KCNJ9: variants seen among roughly 807,000 people sequenced by gnomAD.
The protein encoded by KCNJ9 is potassium inwardly rectifying channel subfamily J member 9.
A neutral mutation model predicts 27.9 loss-of-function variants in KCNJ9; 18 were observed. The observed-to-expected ratio is 0.65, with a 90% CI of 0.45 to 0.96. The LOEUF (loss-of-function observed/expected upper bound fraction) is 0.96. KCNJ9 is among the 40% of genes least tolerant of loss of function. The probability of loss-of-function intolerance (pLI) is 0.00; values close to 1 mark genes in which losing one functional copy is unlikely to be tolerated. For missense variants in KCNJ9, 324 were observed against 557.5 expected (o/e 0.58, Z 4.22); for synonymous variants, 229 against 248.2 (o/e 0.92, Z 0.73).
At chr1:160,083,393 A>C (rs1360327132) in intron 1 of KCNJ9, among the ~76,000 whole-genome samples, 1 of 152,214 alleles carries the variant, frequency 6.6e-6, no homozygotes, top group Non-Finnish European at 1.5e-5. Flanking sequence ...CAAGGAGGGA[A>C]GAATGAGAAA....
Position 160,084,965 on chromosome 1 carries a change from G to T in KCNJ9, c.850+85G>T. The T allele has an allele frequency of 3.6e-6, 5 of 1,391,158 alleles. No homozygotes were observed. In the South Asian group the frequency reaches 4.2e-5, roughly 12 times the overall value. The allele number at this position is 1,391,158 out of a possible 1,614,324, so 86.2% of individuals were successfully genotyped here. A position where few individuals can be genotyped will look rare whatever the true frequency, so the allele number is the denominator to read the frequency against. On this transcript the variant is annotated intron_variant, in intron 2 of 2. Transcript: ENST00000368088. The stretch of plus-strand genomic sequence containing the variant: ...GCAGGGGCGAGACTAGGGGCCAGGG[G>T]AGCTGGGGAGGATGGATGGAGGGGC...
intron 1 of KCNJ9, among the ~76,000 whole-genome samples, chr1:160,082,776 C>T (rs1321155327): frequency 2.0e-5 from 3 of 152,256 alleles, no homozygotes; most frequent in Middle Eastern, 3.4e-3. Context: ...TAAACCTTTC[C>T]CTGTATGGTC....
In KCNJ9 at chr1:160,084,537, C is replaced by A. The variant is rs370105266; in HGVS notation, c.507C>A (p.Ala169=). The A allele has an allele frequency of 3.2e-5, 52 of 1,612,482 alleles. No individual in the cohort carries two copies. In the African/African-American group the frequency reaches 6.5e-4, roughly 20 times the overall value. ...TCTCGCAGCCCAACAAGCGCGCAGC[C>A]ACGCTCGTCTTCTCCTCGCACGCCG... The part of the protein sequence containing the change: ...VKISQPNKRA[A]TLVFSSHAVV... The change falls in exon 2 of 3, where the codon GCC becomes GCA. Residue 169 remains alanine, a synonymous_variant. Coordinates refer to ENST00000368088, the MANE Select transcript of KCNJ9 (RefSeq NM_004983.3).
Position 160,088,119 on chromosome 1 carries a change from G to C in KCNJ9, c.*302G>C, listed in dbSNP as rs1649818157. 1 of 337,322 alleles carries C rather than the reference G, an allele frequency of 3.0e-6. No homozygotes were observed. The highest frequency in any genetic ancestry group is 2.1e-5 in the African/African-American group (1 of 47,412). 20.9% of individuals were successfully genotyped at this position (337,322 alleles called of 1,614,324 possible). ...TGATGGACTTTTGGGGGTTGGATGGGAAGATGGTAGCAGATAAAGACAGCT... is the reference window on the plus strand; with the variant it reads ...TGATGGACTTTTGGGGGTTGGATGGCAAGATGGTAGCAGATAAAGACAGCT... On this transcript the variant is annotated 3_prime_UTR_variant, in exon 3 of 3. Transcript: ENST00000368088.
At chr1:160,083,208 G>C (rs560969614) in intron 1 of KCNJ9, among the ~76,000 whole-genome samples, 2 of 152,318 alleles carry the variant, frequency 1.3e-5, no homozygotes, top group East Asian at 3.9e-4. Context: ...GGGAAATGAG[G>C]CTGGCCCAAG....
At chr1:160,082,910 G>A (rs965488524) in intron 1 of KCNJ9, among the ~76,000 whole-genome samples, 1 of 152,018 alleles carries the variant, frequency 6.6e-6, no homozygotes, top group Non-Finnish European at 1.5e-5. Flanking sequence ...GCTTCGCTTG[G>A]AATGTGGGCT....
intron 1 of KCNJ9, 65 bp downstream of exon 1, chr1:160,081,762 A>T (rs116632627): frequency 6.6e-6 from 1 of 152,064 alleles, no homozygotes; most frequent in African/African-American, 2.4e-5. Flanking sequence ...GGGGTTTGGG[A>T]GGAGCTGGTT....
chr1:160,088,935 G>A lies in KCNJ9; in HGVS notation c.*1118G>A, dbSNP rs1182664057. ...GAGTGTGGGTGATCAGAAGGCTGGG[G>A]CCAGTGTAAGGCATAGGGAATATGT... On this transcript the variant is annotated 3_prime_UTR_variant, in exon 3 of 3. Transcript: ENST00000368088. The A allele has an allele frequency of 6.6e-6, 1 of 152,282 alleles. No homozygotes were observed. The highest frequency in any genetic ancestry group is 1.5e-5 in the Non-Finnish European group (1 of 68,100). 9.4% of individuals were successfully genotyped at this position (152,282 alleles called of 1,614,324 possible). A position where few individuals can be genotyped will look rare whatever the true frequency, so the allele number is the denominator to read the frequency against.
intron 2 of KCNJ9, among the ~76,000 whole-genome samples, chr1:160,086,748 G>T (rs960618673): frequency 4.6e-5 from 7 of 152,292 alleles, no homozygotes; most frequent in African/African-American, 1.7e-4. Flanking sequence ...GGCCAGAAGA[G>T]AGAGATGGTG....
chr1:160,084,315 C>G lies in KCNJ9; in HGVS notation c.285C>G (p.Thr95=), dbSNP rs1487606463. Residue 95 remains threonine, a synonymous_variant, in exon 2 of 3, where the codon ACC becomes ACG. Transcript: ENST00000368088. ...GCGACCTGGAGCACCTGGAGGACACCGCGTGGACGCCGTGCGTCAACAACC... is the reference window on the plus strand; with the variant it reads ...GCGACCTGGAGCACCTGGAGGACACGGCGTGGACGCCGTGCGTCAACAACC... The part of the protein sequence containing the change: ...GRGDLEHLED[T]AWTPCVNNLN... 6.2e-7 allele frequency: 1 copy of G among 1,613,500 alleles called. No homozygotes were observed. The highest frequency in any genetic ancestry group is 1.7e-5 in the Admixed American group (1 of 60,022).
At chr1:160,083,606 C>T (rs567686133) in intron 1 of KCNJ9, among the ~76,000 whole-genome samples, 1 of 152,224 alleles carries the variant, frequency 6.6e-6, no homozygotes, top group South Asian at 2.1e-4. Flanking sequence ...GGGTCTTTGG[C>T]CCCGGGGCTG....
chr1:160,085,847 G>C (rs550925945), intron 2 of KCNJ9, among the ~76,000 whole-genome samples: 11 of 152,338 alleles, frequency 7.2e-5, no homozygotes, highest in African/African-American at 2.6e-4. Context: ...CTCCCTGCCG[G>C]CTTCGCTGAC....
chr1:160,084,205 C>A lies in KCNJ9; in HGVS notation c.175C>A (p.Leu59Ile). 1 of 1,612,474 alleles carries A rather than the reference C, an allele frequency of 6.2e-7. No individual in the cohort carries two copies. Among genetic ancestry groups the A allele is most frequent in the South Asian group, 1.1e-5 (1 of 90,816 alleles). Residue 59 changes from leucine (L) to isoleucine (I), a missense_variant, in exon 2 of 3, where the codon CTC (leucine) becomes ATC (isoleucine). This residue lies in a region of KCNJ9 where 241 missense variants were observed against 481.7 expected (regional missense o/e 0.50). Transcript: ENST00000368088. ...CACGCTGGTGGACCTGCAGTGGCGC[C>A]TCAGCCTGTTGTTCTTCGTCCTGGC... ...FTTLVDLQWR[L>I]SLLFFVLAYA...
Position 160,087,575 on chromosome 1 carries a change from T to C in KCNJ9, c.940T>C (p.Phe314Leu), listed in dbSNP as rs1649800771. Reference protein sequence around the residue: ...FTSVLTLEDGFYEVDYASFHE... With the variant: ...FTSVLTLEDGLYEVDYASFHE... ...GTCAGTGCTGACTCTGGAGGACGGC[T>C]TCTACGAAGTGGACTATGCCAGCTT... Residue 314 changes from phenylalanine (F) to leucine (L), a missense_variant, in exon 3 of 3, where the codon TTC becomes CTC. Physicochemically the swap from Phe to Leu is conservative, Grantham distance 22. This residue lies in a region of KCNJ9 where 241 missense variants were observed against 481.7 expected (regional missense o/e 0.50). Transcript: ENST00000368088. The C allele has an allele frequency of 4.3e-6, 7 of 1,613,872 alleles. No homozygotes were observed. The highest frequency in any genetic ancestry group is 5.9e-6 in the Non-Finnish European group (7 of 1,179,916).
intron 2 of KCNJ9, 23 bp downstream of exon 2, chr1:160,084,903 G>A (rs1314098835): frequency 2.7e-6 from 4 of 1,501,348 alleles, no homozygotes; most frequent in African/African-American, 1.4e-5. Context: ...CTGGGGAGGG[G>A]AGCGGGGTTG....
At position 160,084,045 on chromosome 1, in the gene KCNJ9, C is replaced by A. The variant is rs897664510; in HGVS notation, c.15C>A (p.Asn5Lys). 1.3e-6 allele frequency: 2 copies of A among 1,515,680 alleles called. No individual in the cohort carries two copies. The highest frequency in any genetic ancestry group is 5.0e-5 in the East Asian group (2 of 40,188). 93.9% of individuals were successfully genotyped at this position (1,515,680 alleles called of 1,614,324 possible). A position where few individuals can be genotyped will look rare whatever the true frequency, so the allele number is the denominator to read the frequency against. Residue 5 changes from asparagine (N) to lysine (K), a missense_variant, in exon 2 of 3, where the codon AAC (asparagine) becomes AAA (lysine). Transcript: ENST00000368088. ...ACGCGGCCGCCATGGCGCAGGAGAA[C>A]GCGGCCTTCTCGCCCGGGCAGGAGG... is the stretch of plus-strand genomic sequence containing the variant. Reference protein sequence around the residue: MAQENAAFSPGQEEP... With the variant: MAQEKAAFSPGQEEP...
intron 2 of KCNJ9, among the ~76,000 whole-genome samples, chr1:160,086,188 A>G (rs1450195674): frequency 6.6e-6 from 1 of 152,046 alleles, no homozygotes; most frequent in Non-Finnish European, 1.5e-5. Flanking sequence ...TTCTATTCCA[A>G]CTTCACCGAG....
intron 2 of KCNJ9, among the ~76,000 whole-genome samples, chr1:160,085,562 T>C (rs1471108136): frequency 6.6e-6 from 1 of 152,212 alleles, no homozygotes; most frequent in African/African-American, 2.4e-5. Flanking sequence ...ATTCATCCAT[T>C]TCCACTGACA....
intron 1 of KCNJ9, among the ~76,000 whole-genome samples, chr1:160,083,326 T>G (rs999576542): frequency 1.8e-4 from 28 of 152,222 alleles, no homozygotes; most frequent in Admixed American, 9.2e-4. Flanking sequence ...CAGCTTTCAT[T>G]TCTTTCTCGT....
Sources: gnomAD v4.1 joint callset for allele counts (sites outside exome capture counted in the v4.1 genomes callset) on GRCh38, gnomAD v4.1.1 for gene constraint, gnomAD v4.1.1 regional missense constraint, MANE v1.5 for transcripts, NCBI Gene and HGNC (gene_info 2026-07-23, HGNC 2026-07-21) for gene names.